Variants in ZNF407 observed in about 807,000 individuals in gnomAD.
ZNF407 encodes the protein zinc finger protein 407.
Under a neutral mutation model 131.2 loss-of-function variants are expected in ZNF407, and 17 were observed. The ratio of observed to expected loss-of-function variants is 0.13; its 90% CI spans 0.09 to 0.19. ZNF407 has a LOEUF of 0.19. ZNF407 is among the 10% of genes least tolerant of loss of function. The probability of loss-of-function intolerance (pLI) is 1.00; values close to 1 mark genes in which losing one functional copy is unlikely to be tolerated. For missense variants in ZNF407, 2,681 were observed against 2,830.6 expected, an observed-to-expected ratio of 0.95 and a Z score of 1.20; for synonymous variants, 1,156 against 1,062.0, an observed-to-expected ratio of 1.09 and a Z score of -1.72.
In ZNF407 at chr18:74,884,966, C is replaced by T. The variant is rs529363208; in HGVS notation, c.5128+3847C>T. ...TTGAAGACACCTACCAACACTATTG[C>T]GATAAAGAAAATAGCAGTGAGTTTT... On this transcript the variant is annotated intron_variant, in intron 6 of 8. Coordinates refer to ENST00000299687, the MANE Select transcript of ZNF407 (RefSeq NM_017757.3). Among the ~76,000 whole-genome samples, 18 of 152,006 alleles carry T rather than the reference C, an allele frequency of 1.2e-4. No individual in the cohort carries two copies. In the East Asian group the frequency reaches 2.7e-3, roughly 23 times the overall value.
chr18:74,683,308 A>G (rs1967028073), intron 3 of ZNF407, among the ~76,000 whole-genome samples: 1 of 152,210 alleles, frequency 6.6e-6, no homozygotes, highest in Non-Finnish European at 1.5e-5. Context: ...TTTGCAATTA[A>G]TAATATCTTT....
chr18:74,965,936 A>G (rs188033576), intron 8 of ZNF407, among the ~76,000 whole-genome samples: 1 of 152,332 alleles, frequency 6.6e-6, no homozygotes, highest in African/African-American at 2.4e-5. Flanking sequence ...ACCTTTCCAT[A>G]TGCCTGTTTG....
chr18:74,605,001 T>C (rs971590768), intron 1 of ZNF407, among the ~76,000 whole-genome samples: 4 of 152,212 alleles, frequency 2.6e-5, no homozygotes, highest in Non-Finnish European at 5.9e-5. Flanking sequence ...CTTACCCTTA[T>C]TAGGTTACCA....
At position 74,800,566 on chromosome 18, in the gene ZNF407, C is replaced by A. The variant is rs147487352; in HGVS notation, c.4877+19064C>A. On this transcript the variant is annotated intron_variant, in intron 4 of 8. Transcript: ENST00000299687. The stretch of plus-strand genomic sequence containing the variant: ...TCATATTCTCCTTGCCATCTATGGC[C>A]TTCCTAATTATTTAAATTATTTTTA... Among the ~76,000 whole-genome samples, 5 of 152,140 alleles carry A rather than the reference C, an allele frequency of 3.3e-5. No homozygotes were observed. The East Asian group carries it at 9.7e-4, about 29-fold the overall frequency.
At chr18:74,644,863 T>G (rs1984894198) in intron 3 of ZNF407, among the ~76,000 whole-genome samples, 1 of 152,012 alleles carries the variant, frequency 6.6e-6, no homozygotes, top group South Asian at 2.1e-4. Context: ...TGACTTTAGT[T>G]TGTACTTTTT....
chr18:74,899,077 G>A (rs1298688882), intron 7 of ZNF407, among the ~76,000 whole-genome samples: 1 of 152,174 alleles, frequency 6.6e-6, no homozygotes, highest in East Asian at 1.9e-4. Context: ...AAAGACAGCA[G>A]GAAGTCTGTG....
At chr18:74,850,278 G>A (rs772040271) in intron 4 of ZNF407, among the ~76,000 whole-genome samples, 2 of 152,006 alleles carry the variant, frequency 1.3e-5, no homozygotes, top group Non-Finnish European at 2.9e-5. Context: ...TGATTCCATG[G>A]TTAATGGATA....
At position 75,046,249 on chromosome 18, in the gene ZNF407, A is replaced by G. The variant is rs182614467; in HGVS notation, c.5429-16901A>G. Reference sequence around the variant, plus strand: ...ACAGCAACATGGGACCAATCACTGTATCATGTTTCCTATAGACTAAGCGGT... The same window carrying G: ...ACAGCAACATGGGACCAATCACTGTGTCATGTTTCCTATAGACTAAGCGGT... On this transcript the variant is annotated intron_variant, in intron 8 of 8. Transcript: ENST00000299687. Among the ~76,000 whole-genome samples the G allele has an allele frequency of 5.3e-5, 8 of 152,304 alleles. No individual in the cohort carries two copies. The East Asian group carries it at 1.5e-3, about 29-fold the overall frequency.
intron 4 of ZNF407, among the ~76,000 whole-genome samples, chr18:74,803,096 T>C (rs1049683336): frequency 1.3e-5 from 2 of 152,122 alleles, no homozygotes; most frequent in African/African-American, 4.8e-5. Context: ...TAATGAGAGC[T>C]AAGTCCAGCG....
chr18:74,645,637 T>TTGTGTGTGTGTGTGTG (rs35047949), intron 3 of ZNF407, among the ~76,000 whole-genome samples: 1 of 145,198 alleles, frequency 6.9e-6, no homozygotes, highest in South Asian at 2.3e-4. Flanking sequence ...GTAAAACTCT[T>TTGTGTGTGTGTGTGTG]TGTGTGTGTG....
At chr18:74,611,809 A>C (rs1983070008) in intron 1 of ZNF407, among the ~76,000 whole-genome samples, 1 of 152,122 alleles carries the variant, frequency 6.6e-6, no homozygotes. Flanking sequence ...TCTGCTGTGG[A>C]CCTACTGAAT....
intron 3 of ZNF407, among the ~76,000 whole-genome samples, chr18:74,724,016 A>C (rs1017804400): frequency 1.3e-5 from 2 of 152,168 alleles, no homozygotes; most frequent in Non-Finnish European, 2.9e-5. Context: ...TATTTATTAA[A>C]AATAGTTCTC....
chr18:74,825,591 G>C (rs1378127337), intron 4 of ZNF407, among the ~76,000 whole-genome samples: 1 of 152,174 alleles, frequency 6.6e-6, no homozygotes, highest in Non-Finnish European at 1.5e-5. Flanking sequence ...CAGAATGTGG[G>C]TGTCAGCATT....
At chr18:74,815,557 A>G (rs1970256574) in intron 4 of ZNF407, among the ~76,000 whole-genome samples, 1 of 152,198 alleles carries the variant, frequency 6.6e-6, no homozygotes, top group Non-Finnish European at 1.5e-5. Flanking sequence ...TATGGGATAT[A>G]TTGTATTTTG....
intron 3 of ZNF407, among the ~76,000 whole-genome samples, chr18:74,768,532 A>G (rs1445367035): frequency 1.3e-5 from 2 of 152,204 alleles, no homozygotes; most frequent in Non-Finnish European, 2.9e-5. Context: ...AATAAGGACA[A>G]TACCAGAATT....
At chr18:74,807,330 G>A (rs1970125196) in intron 4 of ZNF407, among the ~76,000 whole-genome samples, 1 of 152,172 alleles carries the variant, frequency 6.6e-6, no homozygotes, top group Non-Finnish European at 1.5e-5. Flanking sequence ...TCCTGTGGCT[G>A]TAACACACAT....
chr18:74,814,968 A>G (rs368150466), intron 4 of ZNF407, among the ~76,000 whole-genome samples: 57 of 152,014 alleles, frequency 3.7e-4, no homozygotes, highest in South Asian at 3.7e-3. Context: ...TTTTATTTCA[A>G]AATTTTGTTT....
At chr18:74,899,395 A>G (rs1185211606) in intron 7 of ZNF407, among the ~76,000 whole-genome samples, 3 of 152,076 alleles carry the variant, frequency 2.0e-5, no homozygotes, top group Non-Finnish European at 4.4e-5. Context: ...GGGGAGGGTG[A>G]CAGAGAGCTG....
In ZNF407 at chr18:74,877,219, G is replaced by T. The variant is rs1344023349; in HGVS notation, c.4900G>T (p.Asp1634Tyr). Residue 1634 changes from aspartate to tyrosine, a missense_variant, in exon 5 of 9, where the codon GAT becomes TAT. Asp to Tyr is a radical substitution (Grantham distance 160). Around this residue, in one of 6 missense-constraint regions of ZNF407, gnomAD observed 213 missense variants for 332.2 expected, o/e 0.64. Coordinates refer to ENST00000299687, the MANE Select transcript of ZNF407 (RefSeq NM_017757.3). Reference protein sequence around the residue: ...KERKFTCHLCDRSFTEKWALN... With the variant: ...KERKFTCHLCYRSFTEKWALN... ...CAGGAAATTTACATGCCACTTATGT[G>T]ATAGAAGTTTCACAGAGAAGTGGGC... is the stretch of plus-strand genomic sequence containing the variant. 2 of 1,613,856 alleles carry T rather than the reference G, an allele frequency of 1.2e-6. No homozygotes were observed. Among genetic ancestry groups the T allele is most frequent in the Non-Finnish European group, 1.7e-6 (2 of 1,179,900 alleles).
Sources: allele counts gnomAD v4.1 joint callset (sites outside exome capture counted in the v4.1 genomes callset), GRCh38; gene constraint gnomAD v4.1.1; regional missense constraint gnomAD v4.1.1; transcripts MANE v1.5; gene names NCBI Gene and HGNC (gene_info 2026-07-23, HGNC 2026-07-21).